Variants in PLXDC2 observed in about 807,000 individuals in gnomAD.
PLXDC2 encodes plexin domain containing 2.
Under a neutral mutation model 68.9 loss-of-function variants are expected in PLXDC2, and 40 were observed. The ratio of observed to expected loss-of-function variants is 0.58; its 90% CI spans 0.45 to 0.76. PLXDC2 has a LOEUF of 0.76. PLXDC2 is among the 30% of genes least tolerant of loss of function. The pLI is 0.00. For missense variants in PLXDC2, 644 were observed against 661.9 expected, an observed-to-expected ratio of 0.97 and a Z score of 0.30; for synonymous variants, 243 against 234.2, an observed-to-expected ratio of 1.04 and a Z score of -0.34.
At chr10:19,839,208 T>C (rs1384640492) in intron 1 of PLXDC2, among the ~76,000 whole-genome samples, 1 of 150,344 alleles carries the variant, frequency 6.7e-6, no homozygotes, top group African/African-American at 2.4e-5. Context: ...AAAAAAAAGT[T>C]ACTGCTCTGC....
At chr10:20,215,962 G>A (rs184773317) in intron 10 of PLXDC2, among the ~76,000 whole-genome samples, 1 of 152,174 alleles carries the variant, frequency 6.6e-6, no homozygotes, top group Admixed American at 6.6e-5. Context: ...CTGCCAAGTG[G>A]TATGCACGGC....
At chr10:20,010,554 G>T (rs1176039276) in intron 2 of PLXDC2, among the ~76,000 whole-genome samples, 1 of 152,168 alleles carries the variant, frequency 6.6e-6, no homozygotes, top group Non-Finnish European at 1.5e-5. Flanking sequence ...GTCCTTCAAA[G>T]AGTTCCATGA....
intron 6 of PLXDC2, among the ~76,000 whole-genome samples, chr10:20,155,861 T>C (rs1227231604): frequency 6.6e-6 from 1 of 151,900 alleles, no homozygotes; most frequent in Non-Finnish European, 1.5e-5. Flanking sequence ...CCAGAGGAAA[T>C]TATTTTATTT....
At chr10:19,911,831 G>A (rs1833277083) in intron 1 of PLXDC2, among the ~76,000 whole-genome samples, 1 of 152,124 alleles carries the variant, frequency 6.6e-6, no homozygotes, top group African/African-American at 2.4e-5. Flanking sequence ...ATTTTTCTGT[G>A]TTACAGATCA....
At chr10:20,014,670 A>G (rs1165328070) in intron 2 of PLXDC2, among the ~76,000 whole-genome samples, 1 of 152,128 alleles carries the variant, frequency 6.6e-6, no homozygotes, top group Non-Finnish European at 1.5e-5. Flanking sequence ...GTTTGAGCAG[A>G]TTTAGAATGT....
At chr10:20,018,239 GA>G (rs1835246695) in intron 2 of PLXDC2, among the ~76,000 whole-genome samples, 1 of 152,140 alleles carries the variant, frequency 6.6e-6, no homozygotes, top group Admixed American at 6.5e-5. Flanking sequence ...CTTCTCTCCA[GA>G]AAACATTTTA....
At chr10:19,820,505 G>T (rs1736889622) in intron 1 of PLXDC2, among the ~76,000 whole-genome samples, 1 of 151,898 alleles carries the variant, frequency 6.6e-6, no homozygotes, top group Admixed American at 6.6e-5. Flanking sequence ...GCGGTGGCGG[G>T]CGCCTGTAGT....
At position 20,195,617 on chromosome 10, in the gene PLXDC2, ATC is replaced by A. The variant is rs375579278; in HGVS notation, c.1062-16046_1062-16045del. Among the ~76,000 whole-genome samples, 458 of 152,240 alleles carry A rather than the reference ATC, an allele frequency of 3.0e-3. 1 individual carries two copies. Among genetic ancestry groups the A allele is most frequent in the African/African-American group, 0.01 (436 of 41,556 alleles). Reference sequence around the variant, plus strand: ...GAAACAAGAAATACTGTCTTTATCCATCTCTCTGTAATTCTCAACACTCCAAA... The same window carrying A: ...GAAACAAGAAATACTGTCTTTATCCATCTCTGTAATTCTCAACACTCCAAA... On this transcript the variant is annotated intron_variant, in intron 9 of 13. Transcript: ENST00000377252.
intron 13 of PLXDC2, among the ~76,000 whole-genome samples, chr10:20,252,125 G>A (rs2119348340): frequency 6.6e-6 from 1 of 152,198 alleles, no homozygotes; most frequent in South Asian, 2.1e-4. Flanking sequence ...ATCGTGCAAG[G>A]GCAATGGAGT....
At chr10:19,974,809 A>G (rs1010884421) in intron 1 of PLXDC2, among the ~76,000 whole-genome samples, 1 of 152,200 alleles carries the variant, frequency 6.6e-6, no homozygotes, top group Non-Finnish European at 1.5e-5. Context: ...CTTGGACTGT[A>G]ATTTTGTTTA....
intron 9 of PLXDC2, among the ~76,000 whole-genome samples, chr10:20,193,616 T>C (rs1272467380): frequency 6.6e-6 from 1 of 152,208 alleles, no homozygotes; most frequent in East Asian, 1.9e-4. Context: ...GCTTTTGCTA[T>C]AAATATTTTT....
intron 12 of PLXDC2, among the ~76,000 whole-genome samples, chr10:20,228,485 C>G (rs1365946530): frequency 6.6e-6 from 1 of 151,906 alleles, no homozygotes; most frequent in Non-Finnish European, 1.5e-5. Context: ...TTGCTTGAGA[C>G]TGGGAGGTCA....
intron 12 of PLXDC2, among the ~76,000 whole-genome samples, chr10:20,230,693 C>CAAAAAAAAAAAAAAAAAAAAAAAAAA (rs1191613913): frequency 5.3e-5 from 2 of 37,806 alleles, no homozygotes; most frequent in African/African-American, 9.0e-5. Context: ...GACCTTGTCT[C>CAAAAAAAAAAAAAAAAAAAAAAAAAA]AAAAAAAAAA....
At chr10:20,106,507 G>C (rs1833492385) in intron 4 of PLXDC2, among the ~76,000 whole-genome samples, 1 of 152,240 alleles carries the variant, frequency 6.6e-6, no homozygotes, top group South Asian at 2.1e-4. Flanking sequence ...CTTAGAGATA[G>C]CTTGCTCCCC....
At chr10:20,108,131 T>A (rs1277331202) in intron 4 of PLXDC2, among the ~76,000 whole-genome samples, 2 of 152,194 alleles carry the variant, frequency 1.3e-5, no homozygotes, top group Non-Finnish European at 2.9e-5. Flanking sequence ...CAATAAGCAT[T>A]GAATGAAAAA....
chr10:19,862,604 A>G (rs1196335474), intron 1 of PLXDC2, among the ~76,000 whole-genome samples: 1 of 152,226 alleles, frequency 6.6e-6, no homozygotes, highest in Non-Finnish European at 1.5e-5. Context: ...ATCATAAATG[A>G]GAAAGTTTAC....
At chr10:19,932,205 G>A (rs1392988412) in intron 1 of PLXDC2, among the ~76,000 whole-genome samples, 2 of 152,278 alleles carry the variant, frequency 1.3e-5, no homozygotes, top group African/African-American at 4.8e-5. Flanking sequence ...TCAATTGCTG[G>A]TGTTATTCCT....
chr10:20,238,510 G>A (rs1003600093), intron 12 of PLXDC2, among the ~76,000 whole-genome samples: 1 of 150,264 alleles, frequency 6.7e-6, no homozygotes, highest in African/African-American at 2.4e-5. Flanking sequence ...AGCCAGGCAT[G>A]GCAGCCCATG....
intron 13 of PLXDC2, among the ~76,000 whole-genome samples, chr10:20,276,216 A>T (rs1454404837): frequency 6.6e-6 from 1 of 152,162 alleles, no homozygotes; most frequent in Non-Finnish European, 1.5e-5. Context: ...CATGCCTGTA[A>T]CTTCCTTTCA....
Sources: gnomAD v4.1 joint callset for allele counts (sites outside exome capture counted in the v4.1 genomes callset) on GRCh38, gnomAD v4.1.1 for gene constraint, MANE v1.5 for transcripts, NCBI Gene and HGNC (gene_info 2026-07-23, HGNC 2026-07-21) for gene names.